The following SLC25A48 variants were observed in gnomAD, a reference collection of about 807,000 sequenced individuals.
SLC25A48 encodes CTC-321K16.1.
Under a neutral mutation model 32.2 loss-of-function variants are expected in SLC25A48, and 29 were observed. That is an observed-to-expected ratio of 0.90 (90% confidence interval 0.67 to 1.23). SLC25A48 has a LOEUF of 1.23. Ranked by LOEUF, SLC25A48 falls within the 50% of genes most tolerant of loss-of-function variation. The probability of loss-of-function intolerance (pLI) is 0.00; values close to 1 mark genes in which losing one functional copy is unlikely to be tolerated. For synonymous variants in SLC25A48, 164 were observed against 172.3 expected (o/e 0.95, Z 0.38); for missense variants, 399 against 422.7 (o/e 0.94, Z 0.49).
chr5:135,767,954 TC>T (rs1451569670), intron 3 of SLC25A48, among the ~76,000 whole-genome samples: 1 of 136,696 alleles, frequency 7.3e-6, no homozygotes, highest in African/African-American at 3.1e-5. Flanking sequence ...GTTTGTAATA[TC>T]CGGGGGGGGG....
At chr5:135,819,966 T>G (rs1757838087) in intron 4 of SLC25A48, among the ~76,000 whole-genome samples, 1 of 152,282 alleles carries the variant, frequency 6.6e-6, no homozygotes, top group South Asian at 2.1e-4. Context: ...CTGTTGGGAA[T>G]GTAAAATGAA....
At chr5:135,847,288 A>G (rs1323476445) in intron 2 of SLC25A48, among the ~76,000 whole-genome samples, 2 of 152,226 alleles carry the variant, frequency 1.3e-5, no homozygotes, top group Non-Finnish European at 2.9e-5. Context: ...CACCTGGTCA[A>G]GAGCTTGGAC....
intron 3 of SLC25A48, among the ~76,000 whole-genome samples, chr5:135,685,687 G>A (rs1441824332): frequency 1.3e-5 from 2 of 152,172 alleles, no homozygotes; most frequent in Non-Finnish European, 2.9e-5. Flanking sequence ...GCCTTCCAAA[G>A]TGCTGGGATT....
intron 3 of SLC25A48, among the ~76,000 whole-genome samples, chr5:135,692,852 A>G (rs1002671738): frequency 1.5e-4 from 23 of 152,276 alleles, no homozygotes; most frequent in East Asian, 1.9e-4. Context: ...CTGTTTTCCA[A>G]TGGAGCTGGA....
chr5:135,772,020 G>T (rs1328695916), intron 3 of SLC25A48, among the ~76,000 whole-genome samples: 1 of 150,434 alleles, frequency 6.6e-6, no homozygotes, highest in Admixed American at 6.7e-5. Context: ...CTATGATATT[G>T]TTCATAATAT....
At chr5:135,734,678 G>A (rs1199393868) in intron 3 of SLC25A48, among the ~76,000 whole-genome samples, 4 of 152,110 alleles carry the variant, frequency 2.6e-5, no homozygotes, top group Middle Eastern at 3.4e-3. Flanking sequence ...TTAGCCGGGC[G>A]CAGAGGCAGG....
intron 3 of SLC25A48, among the ~76,000 whole-genome samples, chr5:135,706,000 G>T (rs755317595): frequency 6.6e-6 from 1 of 152,208 alleles, no homozygotes; most frequent in Non-Finnish European, 1.5e-5. Context: ...ACCTGTAACT[G>T]CTTTCTTTGA....
At chr5:135,706,597 C>G (rs1322409461) in intron 3 of SLC25A48, among the ~76,000 whole-genome samples, 1 of 152,158 alleles carries the variant, frequency 6.6e-6, no homozygotes, top group Non-Finnish European at 1.5e-5. Flanking sequence ...GACCAGTGCT[C>G]TAGCGTGGCA....
chr5:135,734,821 C>A (rs925476596), intron 3 of SLC25A48, among the ~76,000 whole-genome samples: 308 of 116,616 alleles, frequency 2.6e-3, no homozygotes, highest in Non-Finnish European at 2.9e-3. Context: ...CATCTCAAAA[C>A]AAAAAAAAAA....
Position 135,781,214 on chromosome 5 carries a change from G to A in SLC25A48, c.-520-31309G>A, listed in dbSNP as rs539622490. ...AATATCACAGGCGATGTACACCCCCGCTGTGATATTGTTTCTAATATCCAG... is the reference window on the plus strand; with the variant it reads ...AATATCACAGGCGATGTACACCCCCACTGTGATATTGTTTCTAATATCCAG... On this transcript the variant is annotated intron_variant, in intron 3 of 10. Coordinates refer to the SLC25A48 transcript ENST00000646290. Among the ~76,000 whole-genome samples, 4 of 116,046 alleles carry A rather than the reference G, an allele frequency of 3.4e-5. 2 individuals are homozygous for A. In the South Asian group the frequency reaches 1.2e-3, roughly 36 times the overall value. 76.1% of individuals were successfully genotyped at this position (116,046 alleles called of 152,430 possible). A position where few individuals can be genotyped will look rare whatever the true frequency, so the allele number is the denominator to read the frequency against.
At chr5:135,699,853 C>G (rs1320149586) in intron 3 of SLC25A48, among the ~76,000 whole-genome samples, 1 of 152,150 alleles carries the variant, frequency 6.6e-6, no homozygotes, top group African/African-American at 2.4e-5. Context: ...TATCCAGTCT[C>G]TTATTACACT....
At chr5:135,652,240 G>A (rs568985033) in intron 3 of SLC25A48, 9 of 396,566 alleles carry the variant, frequency 2.3e-5, no homozygotes, top group Non-Finnish European at 4.5e-5. Context: ...CCATTCCCTG[G>A]GGGTGAGTAG....
At chr5:135,861,309 A>ACACG in intron 4 of SLC25A48, among the ~76,000 whole-genome samples, 1 of 129,016 alleles carries the variant, frequency 7.8e-6, no homozygotes, top group East Asian at 2.0e-4. Context: ...CATCAAATAC[A>ACACG]CACGCACACA....
At chr5:135,709,516 G>C (rs1754602404) in intron 3 of SLC25A48, among the ~76,000 whole-genome samples, 1 of 152,200 alleles carries the variant, frequency 6.6e-6, no homozygotes, top group Non-Finnish European at 1.5e-5. Flanking sequence ...GTACAGAAAG[G>C]GCAAGGCCCT....
At chr5:135,741,337 T>C (rs905652321) in intron 3 of SLC25A48, among the ~76,000 whole-genome samples, 5 of 152,188 alleles carry the variant, frequency 3.3e-5, no homozygotes, top group Non-Finnish European at 5.9e-5. Flanking sequence ...AATAAACTCA[T>C]GTAAGGTCCA....
intron 3 of SLC25A48, among the ~76,000 whole-genome samples, chr5:135,733,187 G>C (rs982634466): frequency 6.6e-6 from 1 of 152,224 alleles, no homozygotes; most frequent in African/African-American, 2.4e-5. Context: ...GGGCAGAGCA[G>C]TAGCCTCAAT....
chr5:135,593,984 G>C (rs73300440), intron 1 of SLC25A48, among the ~76,000 whole-genome samples: 3,228 of 152,282 alleles, frequency 0.021, 112 homozygotes, highest in African/African-American at 0.074. Context: ...GCATCATCTT[G>C]TTTACCTGGC....
chr5:135,786,003 T>C (rs1029225710), intron 3 of SLC25A48, among the ~76,000 whole-genome samples: 9 of 150,640 alleles, frequency 6.0e-5, no homozygotes, highest in Non-Finnish European at 1.3e-4. Context: ...CCTTGCTCCA[T>C]GGATCCAGTG....
At chr5:135,874,872 G>C (rs1013681184) in intron 6 of SLC25A48, 2 of 489,680 alleles carry the variant, frequency 4.1e-6, no homozygotes, top group Non-Finnish European at 7.2e-6. Flanking sequence ...CGGGCTCCTT[G>C]CTTTCTTGGT....
Sources: gnomAD v4.1 joint callset for allele counts (sites outside exome capture counted in the v4.1 genomes callset) on GRCh38, gnomAD v4.1.1 for gene constraint, MANE v1.5 for transcripts, NCBI Gene and HGNC (gene_info 2026-07-23, HGNC 2026-07-21) for gene names.